The following TGDS variants were observed in gnomAD, a reference collection of about 807,000 sequenced individuals.
TGDS encodes the protein UDP-D-glucose 4,6-dehydratase.
Under a neutral mutation model 52.3 loss-of-function variants are expected in TGDS, and 47 were observed. That is an observed-to-expected ratio of 0.90 (90% CI 0.71 to 1.15). TGDS has a LOEUF of 1.15. Among genes scored for constraint, TGDS ranks in the 50% most tolerant of loss-of-function variants. The pLI, the probability that TGDS is intolerant of heterozygous loss-of-function variation, is 0.00. For missense variants in TGDS, 375 were observed against 418.4 expected, an observed-to-expected ratio of 0.90 and a Z score of 0.90; for synonymous variants, 115 against 136.9, an observed-to-expected ratio of 0.84 and a Z score of 1.12.
chr13:94,584,563 G>T (rs1175823107), intron 4 of TGDS, among the ~76,000 whole-genome samples: 1 of 152,160 alleles, frequency 6.6e-6, no homozygotes, highest in Non-Finnish European at 1.5e-5. Flanking sequence ...CCCTAGTTTT[G>T]TTAACTGAAA....
Position 94,594,710 on chromosome 13 carries a change from T to C in TGDS, c.87-803A>G, listed in dbSNP as rs149167622. Among the ~76,000 whole-genome samples the C allele has an allele frequency of 1.6e-4, 25 of 152,284 alleles. No homozygotes were observed. The East Asian group carries it at 4.5e-3, about 27-fold the overall frequency. ...CACAAGTATCACCCTTTCATGTCCA[T>C]AGTCCTCTTTCTCATTAAGTGAAAC... On this transcript the variant is annotated intron_variant, in intron 1 of 11. Transcript: ENST00000261296.
chr13:94,579,798 CAT>C, intron 7 of TGDS, 94 bp downstream of exon 7: 1 of 684,394 alleles, frequency 1.5e-6, no homozygotes, highest in Non-Finnish European at 2.5e-6. Flanking sequence ...TAATTTACAA[CAT>C]ATTATTTTAG....
chr13:94,577,294 C>T, intron 10 of TGDS, 77 bp downstream of exon 10: 1 of 1,135,964 alleles, frequency 8.8e-7, no homozygotes, highest in Non-Finnish European at 1.2e-6. Flanking sequence ...AGTTATTGGT[C>T]AAGTCCACAT....
chr13:94,588,421 CAAAAAAAAAAAAAA>C (rs150186125), intron 4 of TGDS, among the ~76,000 whole-genome samples: 4 of 58,492 alleles, frequency 6.8e-5, no homozygotes, highest in South Asian at 2.0e-3. Context: ...GACTCTGTCT[CAAAAAAAAAAAAAA>C]AAAAAAAAAA....
In TGDS at chr13:94,583,098, T is replaced by C. The variant is rs1888856159; in HGVS notation, c.452A>G (p.Asp151Gly). The C allele has an allele frequency of 6.2e-7, 1 of 1,613,220 alleles. No individual in the cohort carries two copies. Among genetic ancestry groups the C allele is most frequent in the South Asian group, 1.1e-5 (1 of 90,834 alleles). The change falls in exon 5 of 12, where the codon GAT (aspartate) becomes GGT (glycine). Residue 151 changes from aspartate to glycine, a missense_variant. Physicochemically the swap from Asp to Gly is moderately conservative, Grantham distance 94 (BLOSUM62 -1). Transcript: ENST00000261296. ...ATATACATTTTCTAAGCTCACCTTA[T>C]CAAGACTGCCACCATATACTTCATC... ...STDEVYGGSL[D>G]KEFDESSPKQ...
At chr13:94,584,355 T>C (rs552425940) in intron 4 of TGDS, among the ~76,000 whole-genome samples, 4 of 152,268 alleles carry the variant, frequency 2.6e-5, no homozygotes, top group African/African-American at 9.6e-5. Context: ...AAAGAAGAAA[T>C]GTGGACTCAC....
intron 11 of TGDS, among the ~76,000 whole-genome samples, chr13:94,576,000 G>C (rs549561929): frequency 1.5e-4 from 23 of 152,180 alleles, no homozygotes; most frequent in Non-Finnish European, 2.9e-5. Context: ...ATAATTATAA[G>C]ACACCAGTGA....
In TGDS at chr13:94,574,477, A is replaced by T; in HGVS notation, c.*305T>A. 1 of 244,512 alleles carries T rather than the reference A, an allele frequency of 4.1e-6. No individual in the cohort carries two copies. Among genetic ancestry groups the T allele is most frequent in the Non-Finnish European group, 7.8e-6 (1 of 128,626 alleles). The allele number at this position is 244,512 out of a possible 1,614,324, so 15.1% of individuals were successfully genotyped here. On this transcript the variant is annotated 3_prime_UTR_variant, in exon 12 of 12. Coordinates refer to ENST00000261296, the MANE Select transcript of TGDS (RefSeq NM_014305.4). ...AGGTTGCCTTCTCCCTAGCACCACT[A>T]CCCCTCATGGTTGTCCGAATCAGGA...
At chr13:94,581,371 T>C (rs547588941) in intron 5 of TGDS, among the ~76,000 whole-genome samples, 182 bp from the exon 6 acceptor site, 2 of 152,242 alleles carry the variant, frequency 1.3e-5, no homozygotes, top group African/African-American at 4.8e-5. Flanking sequence ...CAATCCTATA[T>C]AGCAGAGAGA....
In TGDS at chr13:94,576,329, C is replaced by T; in HGVS notation, c.967G>A (p.Gly323Arg). The T allele has an allele frequency of 6.3e-7, 1 of 1,597,040 alleles. No homozygotes were observed. Among genetic ancestry groups the T allele is most frequent in the Non-Finnish European group, 8.5e-7 (1 of 1,172,600 alleles). The change falls in exon 11 of 12, where the codon GGA becomes AGA. Residue 323 changes from glycine (G) to arginine (R), a missense_variant. Gly to Arg is a moderately radical substitution (Grantham distance 125). Transcript: ENST00000261296. The stretch of plus-strand genomic sequence containing the variant: ...CAAAACATACTTGTTTTCTTTATTC[C>T]TTCTTTCCAAGGCACTTTAGGTCTC... ...GWRPKVPWKE[G>R]IKKTIEWYRE...
At chr13:94,594,164 G>GA (rs1889297078) in intron 1 of TGDS, among the ~76,000 whole-genome samples, 1 of 152,130 alleles carries the variant, frequency 6.6e-6, no homozygotes, top group Admixed American at 6.5e-5. Flanking sequence ...TGGGTATAGG[G>GA]AAAAAAGTCA....
intron 4 of TGDS, among the ~76,000 whole-genome samples, chr13:94,584,596 C>G (rs1274706514): frequency 6.6e-6 from 1 of 152,224 alleles, no homozygotes; most frequent in Admixed American, 6.5e-5. Flanking sequence ...AATGTCCAAT[C>G]AGTTAATAAG....
intron 3 of TGDS, 119 bp from the exon 4 acceptor site, chr13:94,591,062 A>C: frequency 1.5e-6 from 1 of 656,832 alleles, no homozygotes; most frequent in Middle Eastern, 2.4e-4. Context: ...AATGCCTTGA[A>C]AATTCAACTA....
Position 94,595,748 on chromosome 13 carries a change from C to A in TGDS, c.86+303G>T, listed in dbSNP as rs148172822. Among the ~76,000 whole-genome samples, 390 of 152,122 alleles carry A rather than the reference C, an allele frequency of 2.6e-3. 1 individual carries two copies. The highest frequency in any genetic ancestry group is 8.1e-3 in the African/African-American group (337 of 41,498). The stretch of plus-strand genomic sequence containing the variant: ...CTCTAGGCTGGAGGTGGGAAGCAGT[C>A]GGTGAGCAGCTTAGGGTAACTTGCA... On this transcript the variant is annotated intron_variant, in intron 1 of 11. Coordinates refer to ENST00000261296, the MANE Select transcript of TGDS (RefSeq NM_014305.4).
chr13:94,592,819 AAAAAC>A (rs1304496059), intron 2 of TGDS, among the ~76,000 whole-genome samples: 1 of 152,208 alleles, frequency 6.6e-6, no homozygotes, highest in Non-Finnish European at 1.5e-5. Context: ...CAAAGTACCA[AAAAAC>A]AAAACAAAAC....
intron 7 of TGDS, 112 bp downstream of exon 7, chr13:94,579,782 T>C: frequency 1.6e-6 from 1 of 621,150 alleles, no homozygotes; most frequent in South Asian, 2.5e-5. Flanking sequence ...CATATAAAAT[T>C]ATGTATAATT....
At chr13:94,593,748 T>G in intron 2 of TGDS, 93 bp downstream of exon 2, 2 of 943,114 alleles carry the variant, frequency 2.1e-6, no homozygotes, top group Non-Finnish European at 3.3e-6. Context: ...AAATAAAAAA[T>G]TTAAATATCA....
chr13:94,590,767 TA>T, intron 4 of TGDS, 85 bp downstream of exon 4: 1 of 1,068,478 alleles, frequency 9.4e-7, no homozygotes, highest in Non-Finnish European at 1.3e-6. Flanking sequence ...TACAGTATGA[TA>T]TATCCTCTTT....
intron 4 of TGDS, among the ~76,000 whole-genome samples, chr13:94,589,144 C>T (rs1022298647): frequency 1.3e-5 from 2 of 151,970 alleles, no homozygotes; most frequent in African/African-American, 2.4e-5. Context: ...CATCAAAACA[C>T]ACTGTCAAAA....
Sources: gnomAD v4.1 joint callset for allele counts (sites outside exome capture counted in the v4.1 genomes callset) on GRCh38, gnomAD v4.1.1 for gene constraint, MANE v1.5 for transcripts, NCBI Gene and HGNC (gene_info 2026-07-23, HGNC 2026-07-21) for gene names.